Variants in ATP8B4 observed in about 807,000 individuals in gnomAD.
The protein encoded by ATP8B4 is probable phospholipid-transporting ATPase IM.
ATP8B4 carries 133 observed loss-of-function variants against 145.6 expected under a neutral mutation model. That is an observed-to-expected ratio of 0.91 (90% CI 0.79 to 1.05). The LOEUF is 1.05. ATP8B4 is among the 50% of genes least tolerant of loss of function. ATP8B4 has a pLI of 0.00. For synonymous variants in ATP8B4, 507 were observed against 492.9 expected, an observed-to-expected ratio of 1.03 and a Z score of -0.38; for missense variants, 1,458 against 1,425.2, an observed-to-expected ratio of 1.02 and a Z score of -0.37.
intron 2 of ATP8B4, among the ~76,000 whole-genome samples, chr15:50,094,671 CAT>C (rs1485684449): frequency 7.2e-6 from 1 of 138,516 alleles, no homozygotes; most frequent in Non-Finnish European, 1.6e-5. Context: ...ATTATATATC[CAT>C]ATATATTTGT....
chr15:49,883,598 C>A (rs903231741), intron 23 of ATP8B4: 1 of 152,126 alleles, frequency 6.6e-6, no homozygotes, highest in African/African-American at 2.4e-5. Context: ...AAGGTAGGTA[C>A]TATTGATAGT....
chr15:50,049,837 T>C (rs890612175), intron 3 of ATP8B4, among the ~76,000 whole-genome samples: 14 of 152,212 alleles, frequency 9.2e-5, no homozygotes, highest in Non-Finnish European at 2.1e-4. Flanking sequence ...TTTTACTTTT[T>C]AATAATGGCC....
chr15:50,149,535 A>G (rs1191879722), intron 1 of ATP8B4, among the ~76,000 whole-genome samples: 1 of 152,204 alleles, frequency 6.6e-6, no homozygotes, highest in Non-Finnish European at 1.5e-5. Context: ...AACTGCAGAG[A>G]GGAGCTCTTT....
chr15:49,912,931 C>A (rs1187779734), intron 20 of ATP8B4, among the ~76,000 whole-genome samples: 1 of 151,936 alleles, frequency 6.6e-6, no homozygotes, highest in African/African-American at 2.4e-5. Flanking sequence ...AATATGAAAC[C>A]AGCCTAGGAA....
chr15:50,104,864 C>CATAT (rs879763539), intron 2 of ATP8B4, among the ~76,000 whole-genome samples: 4 of 142,552 alleles, frequency 2.8e-5, no homozygotes, highest in African/African-American at 5.1e-5. Context: ...GAAAATGTTG[C>CATAT]ATACACACAC....
intron 20 of ATP8B4, among the ~76,000 whole-genome samples, chr15:49,905,975 CAT>C (rs558678600): frequency 5.8e-4 from 87 of 150,904 alleles, no homozygotes; most frequent in African/African-American, 1.2e-3. Context: ...CACACACACA[CAT>C]GCACACACAC....
intron 1 of ATP8B4, among the ~76,000 whole-genome samples, chr15:50,159,384 T>C (rs544749178): frequency 5.9e-5 from 9 of 152,258 alleles, no homozygotes; most frequent in African/African-American, 1.9e-4. Context: ...TCAGTTCTAA[T>C]CGTTTTTTAG....
intron 26 of ATP8B4, among the ~76,000 whole-genome samples, chr15:49,865,589 A>G (rs2032651219): frequency 6.6e-6 from 1 of 152,192 alleles, no homozygotes; most frequent in Non-Finnish European, 1.5e-5. Context: ...CCAAGGAGAT[A>G]TTGCCGGAAT....
chr15:49,947,839 A>G (rs1018831210), intron 14 of ATP8B4, among the ~76,000 whole-genome samples: 1 of 152,160 alleles, frequency 6.6e-6, no homozygotes, highest in African/African-American at 2.4e-5. Flanking sequence ...CAGATGAATG[A>G]ATTTCAACAA....
At chr15:50,043,730 G>A (rs1015012287) in intron 5 of ATP8B4, among the ~76,000 whole-genome samples, 2 of 151,582 alleles carry the variant, frequency 1.3e-5, no homozygotes, top group African/African-American at 4.9e-5. Flanking sequence ...GAGGCAGGTG[G>A]ATCATGAGGT....
intron 3 of ATP8B4, among the ~76,000 whole-genome samples, chr15:50,058,011 G>C (rs1032266247): frequency 2.0e-5 from 3 of 152,136 alleles, no homozygotes; most frequent in African/African-American, 7.2e-5. Flanking sequence ...AAGAGAGAGA[G>C]AGAGAAAAAG....
intron 6 of ATP8B4, among the ~76,000 whole-genome samples, chr15:50,024,040 T>C (rs535648724): frequency 3.9e-5 from 6 of 152,250 alleles, no homozygotes; most frequent in African/African-American, 1.4e-4. Flanking sequence ...TATTAACATA[T>C]TATCACTCAA....
rs200578941 is a variant in ATP8B4 at position 49,917,776 on chromosome 15, A to G, written c.2036-737T>C. ...CTCTAGCTAATTCTATGGAATCATT[A>G]GTTTTGTCCTAAATTAAGGAAGGTA... is the stretch of plus-strand genomic sequence containing the variant. On this transcript the variant is annotated intron_variant, in intron 19 of 27. Transcript: ENST00000284509. 1.8e-4 allele frequency among the ~76,000 whole-genome samples: 28 copies of G among 152,298 alleles called. 1 individual carries two copies. In the East Asian group the frequency reaches 2.1e-3, roughly 12 times the overall value.
chr15:49,862,063 T>C (rs1385452644), intron 27 of ATP8B4, among the ~76,000 whole-genome samples, 182 bp downstream of exon 27: 2 of 152,242 alleles, frequency 1.3e-5, no homozygotes, highest in Non-Finnish European at 2.9e-5. Flanking sequence ...TTCATGGCAC[T>C]AAGGACTAGT....
At chr15:50,056,122 C>A (rs2052578181) in intron 3 of ATP8B4, among the ~76,000 whole-genome samples, 1 of 152,196 alleles carries the variant, frequency 6.6e-6, no homozygotes, top group African/African-American at 2.4e-5. Context: ...CCACCATCAT[C>A]TTAACGTTCT....
Position 49,897,530 on chromosome 15 carries a change from G to C in ATP8B4, c.2474-15C>G. On this transcript the variant is annotated splice_polypyrimidine_tract_variant and intron_variant, in intron 22 of 27. Transcript: ENST00000284509. Reference sequence around the variant, plus strand: ...AATGTGAGCACCTACAAAGGAAAGAGGAACACTGTCACTCCCAAAACAAAG... The same window carrying C: ...AATGTGAGCACCTACAAAGGAAAGACGAACACTGTCACTCCCAAAACAAAG... 2 of 1,492,394 alleles carry C rather than the reference G, an allele frequency of 1.3e-6. No individual in the cohort carries two copies. Among genetic ancestry groups the C allele is most frequent in the Non-Finnish European group, 1.8e-6 (2 of 1,119,582 alleles). The allele number at this position is 1,492,394 out of a possible 1,614,324, so 92.4% of individuals were successfully genotyped here.
At chr15:50,133,240 A>G (rs999318272) in intron 1 of ATP8B4, among the ~76,000 whole-genome samples, 12 of 152,338 alleles carry the variant, frequency 7.9e-5, no homozygotes, top group African/African-American at 2.9e-4. Context: ...GACCAGAAAC[A>G]GAAAGATAAA....
intron 13 of ATP8B4, among the ~76,000 whole-genome samples, chr15:49,962,373 C>T (rs181310465): frequency 9.2e-5 from 14 of 152,238 alleles, no homozygotes; most frequent in African/African-American, 3.4e-4. Flanking sequence ...TTGAGAAATC[C>T]AAAATGATAT....
chr15:50,038,504 T>C (rs539492029), intron 6 of ATP8B4, among the ~76,000 whole-genome samples: 1 of 152,238 alleles, frequency 6.6e-6, no homozygotes, highest in Non-Finnish European at 1.5e-5. Context: ...GTACTGGATC[T>C]AGAAATGGAA....
Sources: gnomAD v4.1 joint callset for allele counts (sites outside exome capture counted in the v4.1 genomes callset) on GRCh38, gnomAD v4.1.1 for gene constraint, MANE v1.5 for transcripts, NCBI Gene and HGNC (gene_info 2026-07-23, HGNC 2026-07-21) for gene names.